The following ACYP2 variants were observed in gnomAD, a reference collection of about 807,000 sequenced individuals.
ACYP2 encodes the protein acylphosphatase 2.
A neutral mutation model predicts 11.2 loss-of-function variants in ACYP2; 12 were observed. The observed-to-expected ratio is 1.08, with a 90% CI of 0.69 to 1.74. The LOEUF is 1.74. ACYP2 is among the 40% of genes most tolerant of loss of function. The pLI, the probability that ACYP2 is intolerant of heterozygous loss-of-function variation, is 0.00. For missense variants in ACYP2, 134 were observed against 101.9 expected, an observed-to-expected ratio of 1.31 and a Z score of -1.35; for synonymous variants, 43 against 32.2, an observed-to-expected ratio of 1.33 and a Z score of -1.13.
chr2:54,033,820 A>G (rs1262030659), intron 2 of ACYP2, among the ~76,000 whole-genome samples: 1 of 152,262 alleles, frequency 6.6e-6, no homozygotes, highest in Non-Finnish European at 1.5e-5. Context: ...AGGTGTTAGT[A>G]ACAGAAATAA....
At position 54,217,454 on chromosome 2, in the gene ACYP2, C is replaced by A. The variant is rs1396550928; in HGVS notation, c.404+78706C>A. 2.6e-5 allele frequency among the ~76,000 whole-genome samples: 4 copies of A among 152,138 alleles called. No homozygotes were observed. The East Asian group carries it at 7.7e-4, about 29-fold the overall frequency. ...CAATCACAGCTCACTGTGGCCTCTA[C>A]CTCCTGGGCTCAAGCGACTTTCCTA... is the stretch of plus-strand genomic sequence containing the variant. On this transcript the variant is annotated intron_variant, in intron 6 of 6. Coordinates refer to ENST00000607452, the MANE Select transcript of ACYP2 (RefSeq NM_001320586.2).
chr2:54,298,032 G>A (rs1399387174), intron 6 of ACYP2, among the ~76,000 whole-genome samples: 1 of 152,202 alleles, frequency 6.6e-6, no homozygotes, highest in East Asian at 1.9e-4. Flanking sequence ...GCGGTATAGG[G>A]ACTAATGGAC....
rs766365979 is a variant in ACYP2 at position 54,135,488 on chromosome 2, T to C, written c.294+19T>C. On this transcript the variant is annotated intron_variant, in intron 5 of 6. Coordinates refer to ENST00000607452, the MANE Select transcript of ACYP2 (RefSeq NM_001320586.2). ...CAGAATGGTAAGTCAGTACAATCTTTATTATTTTGCTATTTTTTTTCCACT... is the reference window on the plus strand; with the variant it reads ...CAGAATGGTAAGTCAGTACAATCTTCATTATTTTGCTATTTTTTTTCCACT... 1 of 1,601,578 alleles carries C rather than the reference T, an allele frequency of 6.2e-7. No individual in the cohort carries two copies. Among genetic ancestry groups the C allele is most frequent in the Non-Finnish European group, 8.5e-7 (1 of 1,173,178 alleles).
intron 6 of ACYP2, among the ~76,000 whole-genome samples, chr2:54,251,312 T>A (rs997580783): frequency 2.0e-5 from 3 of 152,228 alleles, no homozygotes; most frequent in Non-Finnish European, 2.9e-5. Flanking sequence ...TGCAGCATAC[T>A]TTTAAATTGG....
chr2:54,140,977 ACT>A (rs1468446786), intron 6 of ACYP2, among the ~76,000 whole-genome samples: 1 of 151,900 alleles, frequency 6.6e-6, no homozygotes, highest in Admixed American at 6.5e-5. Flanking sequence ...TTGGTATTGT[ACT>A]CTCTAATTTT....
chr2:54,220,112 G>A (rs1685742814), intron 6 of ACYP2, among the ~76,000 whole-genome samples: 1 of 151,546 alleles, frequency 6.6e-6, no homozygotes. Flanking sequence ...ATTTGATATT[G>A]TTACATTTGA....
intron 6 of ACYP2, among the ~76,000 whole-genome samples, chr2:54,196,905 G>A (rs1018198474): frequency 6.6e-6 from 1 of 152,204 alleles, no homozygotes; most frequent in African/African-American, 2.4e-5. Context: ...TTGGTATTAC[G>A]AGCGAAGTAG....
At chr2:54,240,649 T>C (rs141228394) in intron 6 of ACYP2, among the ~76,000 whole-genome samples, 5 of 152,324 alleles carry the variant, frequency 3.3e-5, no homozygotes, top group African/African-American at 1.2e-4. Flanking sequence ...GTTGAATTCC[T>C]AAGACTCAGG....
intron 4 of ACYP2, among the ~76,000 whole-genome samples, chr2:54,125,982 G>T (rs1439600057): frequency 6.6e-6 from 1 of 152,124 alleles, no homozygotes; most frequent in Non-Finnish European, 1.5e-5. Context: ...TCGGGAGGTT[G>T]AGGCGGAAGA....
At chr2:54,168,252 A>C (rs868107472) in intron 6 of ACYP2, among the ~76,000 whole-genome samples, 3 of 151,816 alleles carry the variant, frequency 2.0e-5, no homozygotes, top group Non-Finnish European at 2.9e-5. Context: ...TGGTGAAACC[A>C]CGTCTCTACT....
intron 6 of ACYP2, among the ~76,000 whole-genome samples, chr2:54,244,773 T>G (rs1426674496): frequency 1.3e-5 from 2 of 152,248 alleles, no homozygotes; most frequent in African/African-American, 2.4e-5. Flanking sequence ...TGACACATAA[T>G]AATTGTACAT....
At chr2:54,233,043 GT>G (rs879940241) in intron 6 of ACYP2, among the ~76,000 whole-genome samples, 150 of 146,952 alleles carry the variant, frequency 1.0e-3, no homozygotes, top group South Asian at 1.5e-3. Flanking sequence ...TCACAATTAA[GT>G]TTTTTTTTTT....
chr2:54,263,253 G>C (rs1053283032), intron 6 of ACYP2, among the ~76,000 whole-genome samples: 17 of 152,056 alleles, frequency 1.1e-4, no homozygotes, highest in African/African-American at 3.6e-4. Flanking sequence ...AGAGAGGGAG[G>C]TGCCACACAC....
rs114209619 is a variant in ACYP2, at chr2:54,291,105, G to A, written c.405-13583G>A. 8.1e-3 allele frequency among the ~76,000 whole-genome samples: 1,227 copies of A among 152,262 alleles called. 15 individuals are homozygous for A. The highest frequency in any genetic ancestry group is 0.028 in the African/African-American group (1,180 of 41,542). ...ACCCCCACCACTTCACTGAAGCTGAGCTTGCTGAGGTCCCCAAAGCACTTT... is the reference window on the plus strand; with the variant it reads ...ACCCCCACCACTTCACTGAAGCTGAACTTGCTGAGGTCCCCAAAGCACTTT... On this transcript the variant is annotated intron_variant, in intron 6 of 6. Coordinates refer to ENST00000607452, the MANE Select transcript of ACYP2 (RefSeq NM_001320586.2).
At chr2:54,178,626 T>A (rs1289818802) in intron 6 of ACYP2, among the ~76,000 whole-genome samples, 1 of 152,240 alleles carries the variant, frequency 6.6e-6, no homozygotes, top group African/African-American at 2.4e-5. Context: ...TGTGTGGATA[T>A]TGGATAATAG....
At chr2:54,175,416 T>A (rs1055959985) in intron 6 of ACYP2, among the ~76,000 whole-genome samples, 6 of 152,158 alleles carry the variant, frequency 3.9e-5, no homozygotes, top group African/African-American at 1.4e-4. Context: ...TTGATTCTTC[T>A]CTCTTTCCTT....
intron 6 of ACYP2, among the ~76,000 whole-genome samples, chr2:54,281,019 G>C (rs1415998022): frequency 6.6e-6 from 1 of 152,156 alleles, no homozygotes; most frequent in Admixed American, 6.5e-5. Flanking sequence ...TATGAGGCTA[G>C]GTCTTTTCAC....
chr2:54,041,836 G>A (rs1389905616), intron 2 of ACYP2, among the ~76,000 whole-genome samples: 21 of 151,872 alleles, frequency 1.4e-4, no homozygotes, highest in South Asian at 4.2e-4. Flanking sequence ...TGTTGCCCAC[G>A]TTGGAGTACA....
chr2:54,144,736 C>T (rs1681808800), intron 6 of ACYP2, among the ~76,000 whole-genome samples: 1 of 151,270 alleles, frequency 6.6e-6, no homozygotes, highest in African/African-American at 2.4e-5. Context: ...AATTCCTAAT[C>T]TTGTAGAACT....
Sources: gnomAD v4.1 joint callset for allele counts (sites outside exome capture counted in the v4.1 genomes callset) on GRCh38, gnomAD v4.1.1 for gene constraint, MANE v1.5 for transcripts, NCBI Gene and HGNC (gene_info 2026-07-23, HGNC 2026-07-21) for gene names.